The following HABP4 variants were observed in gnomAD, a reference collection of about 807,000 sequenced individuals.
The protein encoded by HABP4 is hyaluronan binding protein 4.
A neutral mutation model predicts 44.1 loss-of-function variants in HABP4; 32 were observed. That is an observed-to-expected ratio of 0.73 (90% CI 0.55 to 0.97). The LOEUF (loss-of-function observed/expected upper bound fraction) is 0.97. Ranked by LOEUF, HABP4 falls within the 50% of genes least tolerant of loss-of-function variation. The probability of loss-of-function intolerance (pLI) is 0.00; values close to 1 mark genes in which losing one functional copy is unlikely to be tolerated. For missense variants in HABP4, 503 were observed against 561.9 expected (o/e 0.90, Z 1.06); for synonymous variants, 216 against 218.0 (o/e 0.99, Z 0.08).
chr9:96,454,448 C>CTTTT (rs994572427), intron 1 of HABP4, among the ~76,000 whole-genome samples: 15 of 127,312 alleles, frequency 1.2e-4, no homozygotes, highest in South Asian at 2.5e-4. Context: ...GTTCTGAACT[C>CTTTT]TTTTTTTTTT....
At chr9:96,467,140 C>A (rs540724515) in intron 4 of HABP4, among the ~76,000 whole-genome samples, 3 of 152,064 alleles carry the variant, frequency 2.0e-5, no homozygotes, top group Non-Finnish European at 4.4e-5. Context: ...TCAGGCTGGT[C>A]TCGAACTCCT....
intron 1 of HABP4, among the ~76,000 whole-genome samples, chr9:96,454,015 G>C (rs963362897): frequency 3.0e-4 from 45 of 152,260 alleles, no homozygotes; most frequent in African/African-American, 1.1e-3. Flanking sequence ...ATGTTTGCTT[G>C]ATATTGATAA....
chr9:96,473,112 A>G (rs1381830213), intron 5 of HABP4, among the ~76,000 whole-genome samples: 1 of 152,082 alleles, frequency 6.6e-6, no homozygotes, highest in Non-Finnish European at 1.5e-5. Context: ...GATCTTATGC[A>G]CTTCTGTGAC....
Position 96,468,850 on chromosome 9 carries a change from G to A in HABP4, c.744-2161G>A, listed in dbSNP as rs183780434. Among the ~76,000 whole-genome samples, 719 of 151,954 alleles carry A rather than the reference G, an allele frequency of 4.7e-3. 5 individuals are homozygous for A. The highest frequency in any genetic ancestry group is 8.2e-3 in the South Asian group (39 of 4,778). The stretch of plus-strand genomic sequence containing the variant: ...TAAGAAATTTATTTCTTAGTAAATC[G>A]GCTTGAGGTCATGAAAATGATGTAT... On this transcript the variant is annotated intron_variant, in intron 4 of 7. Coordinates refer to ENST00000375249, the MANE Select transcript of HABP4 (RefSeq NM_014282.4).
chr9:96,485,367 T>C (rs1449498045), intron 6 of HABP4, among the ~76,000 whole-genome samples: 1 of 152,198 alleles, frequency 6.6e-6, no homozygotes, highest in Non-Finnish European at 1.5e-5. Context: ...TTGATGACTT[T>C]TTAAACTGTG....
intron 1 of HABP4, among the ~76,000 whole-genome samples, chr9:96,453,794 C>G (rs920478943): frequency 2.6e-5 from 4 of 152,204 alleles, no homozygotes; most frequent in African/African-American, 9.6e-5. Flanking sequence ...AAATGCAGTG[C>G]TTGCATTCTC....
At chr9:96,470,913 C>CA (rs1832685599) in intron 4 of HABP4, 98 bp from the exon 5 acceptor site, 3 of 772,040 alleles carry the variant, frequency 3.9e-6, no homozygotes, top group South Asian at 1.6e-5. Flanking sequence ...AAAAAAAACC[C>CA]AAAAAACCAA....
chr9:96,451,232 G>A (rs1301656218), intron 1 of HABP4, among the ~76,000 whole-genome samples: 1 of 152,270 alleles, frequency 6.6e-6, no homozygotes, highest in African/African-American at 2.4e-5. Flanking sequence ...TTCGTGTGGT[G>A]TTGATGGGAT....
At chr9:96,480,480 C>T (rs1291212646) in intron 5 of HABP4, among the ~76,000 whole-genome samples, 1 of 151,992 alleles carries the variant, frequency 6.6e-6, no homozygotes, top group African/African-American at 2.4e-5. Context: ...GGTATTTTTC[C>T]AGCATTTTAT....
At chr9:96,486,724 C>T (rs1397246600) in intron 6 of HABP4, among the ~76,000 whole-genome samples, 1 of 152,006 alleles carries the variant, frequency 6.6e-6, no homozygotes, top group Non-Finnish European at 1.5e-5. Context: ...TTGTTCTGGA[C>T]ACCTGAAGAG....
intron 7 of HABP4, among the ~76,000 whole-genome samples, chr9:96,489,275 G>A (rs914820016): frequency 1.3e-5 from 2 of 152,090 alleles, no homozygotes; most frequent in Non-Finnish European, 2.9e-5. Context: ...TTCCTATAGC[G>A]GAGCTCTGTC....
In HABP4 at chr9:96,450,408, C is replaced by T. The variant is rs2131104061; in HGVS notation, c.129C>T (p.Arg43=). ...AGTCGGACCCGTTCGACATCCTGCG[C>T]GAGGCCGAGCGCCGGCGCCAGCAGC... is the stretch of plus-strand genomic sequence containing the variant. ...DDESDPFDIL[R]EAERRRQQQL... Residue 43 remains arginine, a synonymous_variant, in exon 1 of 8, where the codon CGC becomes CGT. Coordinates refer to ENST00000375249, the MANE Select transcript of HABP4 (RefSeq NM_014282.4). The surrounding 1 kb of genome is among the most constrained non-coding windows in gnomAD (Gnocchi z 4.8). The T allele has an allele frequency of 4.6e-6, 6 of 1,294,218 alleles. 1 individual carries two copies. In the East Asian group the frequency reaches 2.0e-4, roughly 44 times the overall value. 80.2% of individuals were successfully genotyped at this position (1,294,218 alleles called of 1,614,324 possible).
chr9:96,467,701 T>C (rs542397202), intron 4 of HABP4, among the ~76,000 whole-genome samples: 308 of 152,032 alleles, frequency 2.0e-3, no homozygotes, highest in Non-Finnish European at 3.3e-3. Flanking sequence ...AATTTTTGTG[T>C]TTTTAGTAGA....
chr9:96,482,295 A>G lies in HABP4; in HGVS notation c.828-2167A>G, dbSNP rs1832894116. Among the ~76,000 whole-genome samples, 4 of 151,750 alleles carry G rather than the reference A, an allele frequency of 2.6e-5. No individual in the cohort carries two copies. The South Asian group carries it at 8.3e-4, about 32-fold the overall frequency. On this transcript the variant is annotated intron_variant, in intron 5 of 7. Transcript: ENST00000375249. ...TATATCCATTTAACACTAACTCCCC[A>G]TTTCTCCTCAGCATGTAGTAATCTC...
At chr9:96,460,038 A>AG (rs1832472775) in intron 2 of HABP4, among the ~76,000 whole-genome samples, 1 of 152,136 alleles carries the variant, frequency 6.6e-6, no homozygotes, top group Non-Finnish European at 1.5e-5. Context: ...CCCTCACTTT[A>AG]GGGATTCTGT....
intron 5 of HABP4, among the ~76,000 whole-genome samples, chr9:96,480,196 ACTAT>A: frequency 1.3e-5 from 2 of 152,110 alleles, no homozygotes; most frequent in Middle Eastern, 6.8e-3. Context: ...AAACAAAAAA[ACTAT>A]CTATCTCTAT....
At chr9:96,487,313 G>GT (rs1832992211) in intron 6 of HABP4, among the ~76,000 whole-genome samples, 1 of 152,042 alleles carries the variant, frequency 6.6e-6, no homozygotes, top group African/African-American at 2.4e-5. Flanking sequence ...TTAAAGTGGG[G>GT]TTTTTGTGTG....
chr9:96,460,579 C>T (rs960213375), intron 2 of HABP4, among the ~76,000 whole-genome samples: 2 of 152,230 alleles, frequency 1.3e-5, no homozygotes, highest in Non-Finnish European at 2.9e-5. Context: ...GAAAACATTT[C>T]TGCTTCAGGA....
At chr9:96,482,826 C>CT (rs559997497) in intron 5 of HABP4, among the ~76,000 whole-genome samples, 6 of 151,660 alleles carry the variant, frequency 4.0e-5, no homozygotes, top group African/African-American at 1.5e-4. Context: ...TGTATTAATA[C>CT]TTTGTTTCTT....
Sources: gnomAD v4.1 joint callset for allele counts (sites outside exome capture counted in the v4.1 genomes callset) on GRCh38, gnomAD v4.1.1 for gene constraint, Gnocchi (gnomAD v3.1) non-coding constraint, MANE v1.5 for transcripts, NCBI Gene and HGNC (gene_info 2026-07-23, HGNC 2026-07-21) for gene names.